The following FRMPD1 variants were observed in gnomAD, a reference collection of about 807,000 sequenced individuals.
FRMPD1 encodes the protein FERM and PDZ domain containing 1, also known as FERM and PDZ domain-containing protein 1.
A neutral mutation model predicts 117.8 loss-of-function variants in FRMPD1; 76 were observed. The observed-to-expected ratio is 0.65, with a 90% CI of 0.54 to 0.78. FRMPD1 has a LOEUF of 0.78. FRMPD1 is among the 30% of genes least tolerant of loss of function. The probability of loss-of-function intolerance (pLI) is 0.00; values close to 1 mark genes in which losing one functional copy is unlikely to be tolerated. For missense variants in FRMPD1, 1,786 were observed against 1,964.5 expected, an observed-to-expected ratio of 0.91 and a Z score of 1.72; for synonymous variants, 783 against 770.4, an observed-to-expected ratio of 1.02 and a Z score of -0.27.
At chr9:37,692,818 C>A in intron 2 of FRMPD1, 76 bp downstream of exon 2, 1 of 1,046,188 alleles carries the variant, frequency 9.6e-7, no homozygotes, top group Non-Finnish European at 1.5e-6. Context: ...CTGGTCCTGG[C>A]CGCACCTTGG....
At chr9:37,683,777 G>T (rs1588924368) in intron 1 of FRMPD1, among the ~76,000 whole-genome samples, 2 of 151,198 alleles carry the variant, frequency 1.3e-5, no homozygotes, top group Middle Eastern at 6.9e-3. Context: ...TGGCGGGTAG[G>T]CAGGGCCAGA....
the FRMPD1 span, among the ~76,000 whole-genome samples, chr9:37,637,793 G>T: frequency 1.3e-5 from 2 of 152,166 alleles, no homozygotes; most frequent in Non-Finnish European, 2.9e-5. Context: ...GGACATGCTA[G>T]GTGGGAAGGT....
At chr9:37,713,987 C>G (rs1277888378) in intron 5 of FRMPD1, among the ~76,000 whole-genome samples, 2 of 152,144 alleles carry the variant, frequency 1.3e-5, no homozygotes, top group African/African-American at 4.8e-5. Flanking sequence ...GTTGTCTCCT[C>G]TCTGTATTTG....
intron 6 of FRMPD1, among the ~76,000 whole-genome samples, chr9:37,721,202 C>T (rs534587563): frequency 6.6e-5 from 10 of 152,262 alleles, no homozygotes; most frequent in African/African-American, 2.2e-4. Flanking sequence ...TGGGGCACCT[C>T]GGGGAATCTT....
chr9:37,660,923 T>C (rs1443484971), intron 1 of FRMPD1, among the ~76,000 whole-genome samples: 1 of 152,244 alleles, frequency 6.6e-6, no homozygotes, highest in African/African-American at 2.4e-5. Flanking sequence ...CTTAGCTGCA[T>C]CTGGCTCCCA....
At chr9:37,736,296 C>T (rs983982803) in intron 13 of FRMPD1, among the ~76,000 whole-genome samples, 10 of 151,748 alleles carry the variant, frequency 6.6e-5, no homozygotes, top group South Asian at 2.1e-4. Context: ...CCACCGCGCC[C>T]GGCCCACCAG....
chr9:37,647,510 CA>C (rs369681968), upstream of FRMPD1, among the ~76,000 whole-genome samples: 1,340 of 80,314 alleles, frequency 0.017, 12 homozygotes, highest in Middle Eastern at 0.053. Context: ...GACTCCGTTT[CA>C]AAAAAAAAAA....
chr9:37,706,847 T>C (rs1388110556), intron 2 of FRMPD1, among the ~76,000 whole-genome samples: 1 of 152,182 alleles, frequency 6.6e-6, no homozygotes, highest in East Asian at 1.9e-4. Flanking sequence ...TTGTTTCTGC[T>C]CACCATCCAT....
intron 14 of FRMPD1, among the ~76,000 whole-genome samples, chr9:37,739,559 G>A (rs913199306): frequency 2.0e-5 from 3 of 152,154 alleles, no homozygotes; most frequent in Non-Finnish European, 2.9e-5. Flanking sequence ...GCTTTAGAAT[G>A]GTGCCAGCCT....
intron 6 of FRMPD1, among the ~76,000 whole-genome samples, chr9:37,719,665 A>G (rs1201728947): frequency 6.6e-6 from 1 of 152,202 alleles, no homozygotes; most frequent in Non-Finnish European, 1.5e-5. Context: ...ACAAAAGAGG[A>G]AGCAGAGGCC....
At chr9:37,626,046 G>T in the FRMPD1 span, among the ~76,000 whole-genome samples, 1 of 152,090 alleles carries the variant, frequency 6.6e-6, no homozygotes, top group East Asian at 1.9e-4. Flanking sequence ...TACAAACATG[G>T]CTGGGCGCGG....
rs150600813 is a variant in FRMPD1 at position 37,745,045 on chromosome 9, A to G, written c.3013A>G (p.Thr1005Ala). 2.7e-5 allele frequency: 43 copies of G among 1,614,022 alleles called. No homozygotes were observed. Among genetic ancestry groups the G allele is most frequent in the Non-Finnish European group, 3.0e-5 (35 of 1,180,030 alleles). ...GGATGGGATTGCCCCCAAAGAACCA[A>G]CCATAGAGCATGGAGACAGCTCCTT... Reference protein sequence around the residue: ...DLDGIAPKEPTIEHGDSSFSL... With the variant: ...DLDGIAPKEPAIEHGDSSFSL... The change falls in exon 16 of 16, where the codon ACC becomes GCC. Residue 1005 changes from threonine to alanine, a missense_variant. Coordinates refer to ENST00000377765, the MANE Select transcript of FRMPD1 (RefSeq NM_014907.3).
At chr9:37,625,926 A>T in the FRMPD1 span, among the ~76,000 whole-genome samples, 1 of 152,256 alleles carries the variant, frequency 6.6e-6, no homozygotes, top group South Asian at 2.1e-4. Context: ...GAAGCTTGTT[A>T]AAAATGTAAA....
chr9:37,664,820 G>A (rs1588908989), intron 1 of FRMPD1, among the ~76,000 whole-genome samples: 2 of 152,172 alleles, frequency 1.3e-5, no homozygotes, highest in Admixed American at 1.3e-4. Flanking sequence ...AGGGGTGACT[G>A]AGTAATTGGG....
At chr9:37,672,171 G>A (rs1258373808) in intron 1 of FRMPD1, among the ~76,000 whole-genome samples, 1 of 152,158 alleles carries the variant, frequency 6.6e-6, no homozygotes, top group African/African-American at 2.4e-5. Flanking sequence ...CCATTGACTT[G>A]TGTACTTTAA....
chr9:37,716,076 G>A (rs1823106998), intron 5 of FRMPD1, among the ~76,000 whole-genome samples: 1 of 152,184 alleles, frequency 6.6e-6, no homozygotes, highest in Non-Finnish European at 1.5e-5. Context: ...CACCCAGAAA[G>A]GAACACAGTT....
At chr9:37,695,243 A>G (rs1358637422) in intron 2 of FRMPD1, among the ~76,000 whole-genome samples, 1 of 152,208 alleles carries the variant, frequency 6.6e-6, no homozygotes, top group Non-Finnish European at 1.5e-5. Context: ...ACTGTTTCCC[A>G]GAGTGGCCAT....
At chr9:37,613,291 T>C in the FRMPD1 span, among the ~76,000 whole-genome samples, 1 of 152,192 alleles carries the variant, frequency 6.6e-6, no homozygotes, top group East Asian at 1.9e-4. Flanking sequence ...ACAGGCATCA[T>C]AGCACTGCAG....
At chr9:37,725,362 G>A (rs1823575025) in intron 7 of FRMPD1, among the ~76,000 whole-genome samples, 3 of 152,202 alleles carry the variant, frequency 2.0e-5, no homozygotes, top group African/African-American at 7.2e-5. Context: ...GGGAGAGCAG[G>A]TTCAGGAGGG....
Sources: gnomAD v4.1 joint callset for allele counts (sites outside exome capture counted in the v4.1 genomes callset) on GRCh38, gnomAD v4.1.1 for gene constraint, MANE v1.5 for transcripts, NCBI Gene and HGNC (gene_info 2026-07-23, HGNC 2026-07-21) for gene names.